XKR6: variants seen among roughly 807,000 people sequenced by gnomAD.
XKR6 encodes XK related 6.
In XKR6, 22 loss-of-function variants were observed where a neutral mutation model predicts 56.7. The observed-to-expected ratio is 0.39, with a 90% CI of 0.28 to 0.55. The LOEUF is 0.55. Among genes scored for constraint, XKR6 ranks in the 20% least tolerant of loss-of-function variants. The pLI, the probability that XKR6 is intolerant of heterozygous loss-of-function variation, is 0.66. For missense variants in XKR6, 852 were observed against 889.0 expected, an observed-to-expected ratio of 0.96 and a Z score of 0.53; for synonymous variants, 524 against 387.8, an observed-to-expected ratio of 1.35 and a Z score of -4.13.
At chr8:11,085,397 C>A in intron 1 of XKR6, among the ~76,000 whole-genome samples, 1 of 152,172 alleles carries the variant, frequency 6.6e-6, no homozygotes, top group East Asian at 1.9e-4. Flanking sequence ...GGGGACCTAG[C>A]CCACGGAGAG....
chr8:10,980,305 GC>G (rs1367625961), intron 1 of XKR6, among the ~76,000 whole-genome samples: 67 of 152,296 alleles, frequency 4.4e-4, no homozygotes, highest in East Asian at 2.3e-3. Flanking sequence ...GGTAAGAAAA[GC>G]CCCCTGTGTT....
At chr8:10,916,382 G>T (rs1460192521) in intron 2 of XKR6, among the ~76,000 whole-genome samples, 1 of 152,192 alleles carries the variant, frequency 6.6e-6, no homozygotes, top group Non-Finnish European at 1.5e-5. Flanking sequence ...AAAGTTTGAA[G>T]TAATCACCTT....
chr8:11,163,398 C>G (rs780117772), intron 1 of XKR6, among the ~76,000 whole-genome samples: 1 of 149,814 alleles, frequency 6.7e-6, no homozygotes, highest in Non-Finnish European at 1.5e-5. Context: ...GAGACTTTAT[C>G]TCTTGTCACC....
At chr8:10,919,766 G>A (rs1800660520) in intron 2 of XKR6, among the ~76,000 whole-genome samples, 1 of 152,154 alleles carries the variant, frequency 6.6e-6, no homozygotes, top group South Asian at 2.1e-4. Context: ...ACCCAGAACA[G>A]GAGCGGAGCC....
intron 1 of XKR6, chr8:11,066,936 T>TCAC (rs1365514615): frequency 1.3e-5 from 2 of 152,168 alleles, no homozygotes; most frequent in East Asian, 3.9e-4. Context: ...CGTTGTCACC[T>TCAC]CACCACAAGG....
intron 1 of XKR6, among the ~76,000 whole-genome samples, chr8:10,972,697 G>A (rs1008260029): frequency 1.5e-4 from 23 of 152,204 alleles, no homozygotes; most frequent in Non-Finnish European, 1.3e-4. Context: ...GCTTGCCAGG[G>A]GCTGGGGAAA....
chr8:11,097,408 A>G (rs1478239184), intron 1 of XKR6, among the ~76,000 whole-genome samples: 1 of 152,014 alleles, frequency 6.6e-6, no homozygotes, highest in African/African-American at 2.4e-5. Flanking sequence ...GCCACTTTGA[A>G]CCCATTTTCT....
intron 1 of XKR6, among the ~76,000 whole-genome samples, chr8:10,933,109 T>G (rs1328320045): frequency 6.6e-6 from 1 of 151,500 alleles, no homozygotes; most frequent in East Asian, 1.9e-4. Context: ...TGAGATGATA[T>G]CTCATAGTGG....
chr8:11,082,465 G>T (rs916605867), intron 1 of XKR6, among the ~76,000 whole-genome samples: 8 of 152,226 alleles, frequency 5.3e-5, no homozygotes, highest in Admixed American at 5.2e-4. Context: ...GCCCAGAGAG[G>T]CCTGCATAAG....
At chr8:11,153,060 G>C (rs1586622935) in intron 1 of XKR6, among the ~76,000 whole-genome samples, 1 of 152,118 alleles carries the variant, frequency 6.6e-6, no homozygotes, top group South Asian at 2.1e-4. Flanking sequence ...ATTACAATTA[G>C]AATACAATTA....
At chr8:11,173,057 C>T (rs1195535984) in intron 1 of XKR6, among the ~76,000 whole-genome samples, 4 of 152,024 alleles carry the variant, frequency 2.6e-5, no homozygotes, top group Non-Finnish European at 5.9e-5. Context: ...AGCTTCCGGC[C>T]GGGCGCGGTG....
chr8:10,926,098 G>C (rs1055152167), intron 1 of XKR6, among the ~76,000 whole-genome samples: 3 of 152,152 alleles, frequency 2.0e-5, no homozygotes, highest in Non-Finnish European at 4.4e-5. Flanking sequence ...GAAATGCTGA[G>C]CCTGACTCCT....
intron 1 of XKR6, among the ~76,000 whole-genome samples, chr8:11,012,980 C>T (rs1369798525): frequency 6.6e-6 from 1 of 152,152 alleles, no homozygotes; most frequent in Non-Finnish European, 1.5e-5. Context: ...CATGAGAGCT[C>T]TAACAAGATA....
chr8:11,131,599 A>G (rs543556668), intron 1 of XKR6, among the ~76,000 whole-genome samples: 1 of 152,282 alleles, frequency 6.6e-6, no homozygotes, highest in African/African-American at 2.4e-5. Flanking sequence ...ATTAGCCGCC[A>G]GTTCTCTTCC....
chr8:11,166,411 C>A (rs1258073765), intron 1 of XKR6, among the ~76,000 whole-genome samples: 1 of 151,990 alleles, frequency 6.6e-6, no homozygotes. Context: ...TAAAACCAAA[C>A]CCCCAAGAAC....
At chr8:11,176,339 G>T (rs1021351615) in intron 1 of XKR6, among the ~76,000 whole-genome samples, 7 of 152,152 alleles carry the variant, frequency 4.6e-5, no homozygotes, top group African/African-American at 1.7e-4. Flanking sequence ...GTTTAGCTGA[G>T]TCAAGTGGTA....
chr8:11,050,288 G>A (rs535838270), intron 1 of XKR6, among the ~76,000 whole-genome samples: 91 of 152,122 alleles, frequency 6.0e-4, no homozygotes, highest in Non-Finnish European at 1.1e-3. Context: ...CGAGATCGCG[G>A]CTGATCTCAG....
intron 1 of XKR6, among the ~76,000 whole-genome samples, chr8:11,023,211 G>A (rs796301411): frequency 6.6e-6 from 1 of 152,182 alleles, no homozygotes; most frequent in Non-Finnish European, 1.5e-5. Flanking sequence ...GACTGAGCTG[G>A]CCCTGCATTT....
At chr8:10,984,716 C>CTATATGTATATA (rs1474560046) in intron 1 of XKR6, among the ~76,000 whole-genome samples, 1 of 86,652 alleles carries the variant, frequency 1.2e-5, no homozygotes, top group African/African-American at 5.0e-5. Flanking sequence ...CTCTCTCTCT[C>CTATATGTATATA]TCTCTCTCTC....
Sources: gnomAD v4.1 joint callset for allele counts (sites outside exome capture counted in the v4.1 genomes callset) on GRCh38, gnomAD v4.1.1 for gene constraint, MANE v1.5 for transcripts, NCBI Gene and HGNC (gene_info 2026-07-23, HGNC 2026-07-21) for gene names.